Variants in ZFHX3 observed in about 807,000 individuals in gnomAD.
ZFHX3 encodes zinc finger homeobox 3.
In ZFHX3, 42 loss-of-function variants were observed where a neutral mutation model predicts 279.1. The ratio of observed to expected loss-of-function variants is 0.15; its 90% confidence interval spans 0.12 to 0.19. The LOEUF is 0.19. ZFHX3 is among the 10% of genes least tolerant of loss of function. ZFHX3 has a pLI of 1.00. For missense variants in ZFHX3, 4,981 were observed against 4,754.0 expected (o/e 1.05, Z -1.40); for synonymous variants, 2,293 against 1,957.8 (o/e 1.17, Z -4.52).
intron 2 of ZFHX3, among the ~76,000 whole-genome samples, chr16:73,607,220 G>C (rs534046825): frequency 7.9e-5 from 12 of 152,028 alleles, no homozygotes; most frequent in African/African-American, 2.4e-4. Context: ...GTAGAGATGG[G>C]GTTTCACCAT....
At chr16:73,736,248 T>A (rs2053609263) in intron 1 of ZFHX3, among the ~76,000 whole-genome samples, 1 of 152,188 alleles carries the variant, frequency 6.6e-6, no homozygotes, top group Admixed American at 6.5e-5. Flanking sequence ...TCTCTCCAAC[T>A]GCTGATCTGA....
At chr16:73,635,270 C>G (rs8063672) in intron 2 of ZFHX3, among the ~76,000 whole-genome samples, 2,052 of 152,244 alleles carry the variant, frequency 0.013, 47 homozygotes, top group African/African-American at 0.046. Flanking sequence ...AATAGGCACA[C>G]GTTGTATTCT....
At chr16:73,448,426 C>T (rs974902755) in intron 3 of ZFHX3, among the ~76,000 whole-genome samples, 45 of 151,818 alleles carry the variant, frequency 3.0e-4, no homozygotes, top group East Asian at 7.7e-4. Context: ...GAAAAAACTG[C>T]GGACTAAAAT....
At chr16:73,265,015 C>CATATATATATATATATATATAT (rs59599339) in intron 4 of ZFHX3, among the ~76,000 whole-genome samples, 116 of 142,068 alleles carry the variant, frequency 8.2e-4, no homozygotes, top group African/African-American at 2.7e-3. Flanking sequence ...CACCTCAGTG[C>CATATATATATATATATATATAT]ATATATATAT....
chr16:73,393,291 T>C (rs1451196504), intron 3 of ZFHX3, among the ~76,000 whole-genome samples: 1 of 152,232 alleles, frequency 6.6e-6, no homozygotes, highest in African/African-American at 2.4e-5. Flanking sequence ...GTCAAATCAG[T>C]ATGTTGCTTG....
intron 5 of ZFHX3, among the ~76,000 whole-genome samples, chr16:73,191,160 T>C (rs1051524884): frequency 2.0e-5 from 3 of 152,140 alleles, no homozygotes; most frequent in Admixed American, 1.3e-4. Context: ...GGGCTTTCTA[T>C]GCAACCCCTC....
chr16:73,538,033 AT>A (rs2019938290), intron 2 of ZFHX3, among the ~76,000 whole-genome samples: 1 of 152,096 alleles, frequency 6.6e-6, no homozygotes, highest in Non-Finnish European at 1.5e-5. Flanking sequence ...TTGCATTCTG[AT>A]TTCTTTTTTT....
At chr16:73,746,874 T>G (rs576870928) in intron 1 of ZFHX3, among the ~76,000 whole-genome samples, 9 of 152,248 alleles carry the variant, frequency 5.9e-5, no homozygotes, top group African/African-American at 2.2e-4. Context: ...TCTTTTTTCC[T>G]TATTGCCAAA....
At chr16:73,766,933 CT>C (rs3050427) in intron 1 of ZFHX3, among the ~76,000 whole-genome samples, 9,432 of 129,182 alleles carry the variant, frequency 0.073, 364 homozygotes, top group African/African-American at 0.13. Context: ...TTTGCCATTA[CT>C]TTTTTTTTTT....
At chr16:73,555,644 A>C (rs781615884) in intron 2 of ZFHX3, among the ~76,000 whole-genome samples, 7 of 151,748 alleles carry the variant, frequency 4.6e-5, no homozygotes, top group Non-Finnish European at 8.8e-5. Context: ...CAGCCTGGCC[A>C]ATATGGTGAA....
intron 3 of ZFHX3, among the ~76,000 whole-genome samples, chr16:73,323,255 A>C (rs1179487848): frequency 6.6e-6 from 1 of 152,192 alleles, no homozygotes; most frequent in East Asian, 1.9e-4. Flanking sequence ...AGTACAGGAA[A>C]AGGTGCAAAG....
intron 5 of ZFHX3, among the ~76,000 whole-genome samples, chr16:73,213,438 G>A (rs867622099): frequency 6.6e-6 from 1 of 152,166 alleles, no homozygotes; most frequent in Admixed American, 6.5e-5. Flanking sequence ...ACATGTGCAA[G>A]GAGAAAGAGA....
chr16:72,862,587 A>G (rs1028141163), intron 4 of ZFHX3, among the ~76,000 whole-genome samples: 3 of 152,224 alleles, frequency 2.0e-5, no homozygotes, highest in Admixed American at 2.0e-4. Flanking sequence ...CAAAACAATC[A>G]GTGAGACATG....
At chr16:73,393,687 C>A (rs886842612) in intron 3 of ZFHX3, among the ~76,000 whole-genome samples, 4 of 152,086 alleles carry the variant, frequency 2.6e-5, no homozygotes, top group Non-Finnish European at 5.9e-5. Context: ...GACCTAATCT[C>A]CAAAACGAGA....
chr16:73,117,117 C>T (rs1042867495), intron 7 of ZFHX3, among the ~76,000 whole-genome samples: 9 of 152,210 alleles, frequency 5.9e-5, no homozygotes, highest in Admixed American at 1.3e-4. Context: ...AGGTATGACA[C>T]ATTAGTGGAC....
At chr16:73,481,240 A>T (rs1056047150) in intron 2 of ZFHX3, among the ~76,000 whole-genome samples, 10 of 152,164 alleles carry the variant, frequency 6.6e-5, no homozygotes, top group Middle Eastern at 6.8e-3. Flanking sequence ...GAGACAGGAG[A>T]ATCACTTGAA....
At chr16:73,606,866 G>A (rs1471382734) in intron 2 of ZFHX3, among the ~76,000 whole-genome samples, 3 of 152,126 alleles carry the variant, frequency 2.0e-5, no homozygotes, top group African/African-American at 7.2e-5. Flanking sequence ...GTTTGCTGAG[G>A]ATAACGGCTT....
chr16:73,747,726 T>C (rs2142266344), intron 1 of ZFHX3, among the ~76,000 whole-genome samples: 1 of 152,336 alleles, frequency 6.6e-6, no homozygotes, highest in East Asian at 1.9e-4. Context: ...TACAACTTGA[T>C]TTCTCCATTT....
chr16:73,671,457 A>C (rs1299615416), intron 2 of ZFHX3, among the ~76,000 whole-genome samples: 1 of 152,256 alleles, frequency 6.6e-6, no homozygotes, highest in East Asian at 1.9e-4. Context: ...AGAGACAAAT[A>C]CATGGTTGGT....
Sources: allele counts gnomAD v4.1 joint callset (sites outside exome capture counted in the v4.1 genomes callset), GRCh38; gene constraint gnomAD v4.1.1; transcripts MANE v1.5; gene names NCBI Gene and HGNC (gene_info 2026-07-23, HGNC 2026-07-21).